The following TMEM132B variants were observed in gnomAD, a reference collection of about 807,000 sequenced individuals.
TMEM132B encodes transmembrane protein 132B.
A neutral mutation model predicts 90.8 loss-of-function variants in TMEM132B; 18 were observed. That is an observed-to-expected ratio of 0.20 (90% CI 0.14 to 0.29). TMEM132B has a LOEUF of 0.29. TMEM132B is among the 10% of genes least tolerant of loss of function. The pLI, the probability that TMEM132B is intolerant of heterozygous loss-of-function variation, is 1.00. For synonymous variants in TMEM132B, 504 were observed against 523.3 expected, an observed-to-expected ratio of 0.96 and a Z score of 0.50; for missense variants, 1,096 against 1,326.8, an observed-to-expected ratio of 0.83 and a Z score of 2.70.
chr12:125,258,085 C>T (rs187872387), intron 1 of TMEM132B, among the ~76,000 whole-genome samples: 24 of 152,274 alleles, frequency 1.6e-4, no homozygotes, highest in African/African-American at 5.8e-4. Context: ...TATATTTGTT[C>T]AGGAAATATT....
chr12:125,476,690 G>A (rs10437803), intron 3 of TMEM132B, among the ~76,000 whole-genome samples: 2,751 of 152,272 alleles, frequency 0.018, 85 homozygotes, highest in African/African-American at 0.063. Context: ...AAACCTAGGC[G>A]AAGAATTGCC....
chr12:125,554,156 G>C (rs1322219723), intron 4 of TMEM132B, among the ~76,000 whole-genome samples: 1 of 152,068 alleles, frequency 6.6e-6, no homozygotes, highest in Admixed American at 6.5e-5. Context: ...GGGCGCGGTG[G>C]CTCACGCCTG....
rs1471040134 is a variant in TMEM132B at position 125,406,087 on chromosome 12, G to A, written c.960-9444G>A. Among the ~76,000 whole-genome samples, 3 of 152,074 alleles carry A rather than the reference G, an allele frequency of 2.0e-5. No individual in the cohort carries two copies. Among genetic ancestry groups the A allele is most frequent in the African/African-American group, 7.2e-5 (3 of 41,410 alleles). On this transcript the variant is annotated intron_variant, in intron 2 of 8. Coordinates refer to ENST00000682704, the MANE Select transcript of TMEM132B (RefSeq NM_001366854.1). This position sits in a 1 kb window ranked among gnomAD's most constrained non-coding sequence, Gnocchi z 8.3. ...TGAAGAACTAAGTTCTTCCACTGTG[G>A]GCTGTTTGGTTAACTCAAACGTTAG... is the stretch of plus-strand genomic sequence containing the variant.
chr12:125,593,599 C>G (rs902162572), intron 5 of TMEM132B, among the ~76,000 whole-genome samples: 1 of 152,100 alleles, frequency 6.6e-6, no homozygotes, highest in African/African-American at 2.4e-5. Context: ...CAATATGGCT[C>G]TAGGGTCCTC....
intron 3 of TMEM132B, among the ~76,000 whole-genome samples, chr12:125,497,694 A>G (rs112996509): frequency 6.6e-6 from 1 of 152,306 alleles, no homozygotes; most frequent in East Asian, 1.9e-4. Context: ...TTACCTAAGC[A>G]TAAATTGAGC....
intron 3 of TMEM132B, among the ~76,000 whole-genome samples, chr12:125,517,646 T>A (rs1353678387): frequency 6.6e-6 from 1 of 152,198 alleles, no homozygotes; most frequent in Non-Finnish European, 1.5e-5. Context: ...GTGTCTCCTA[T>A]GATTTTGAGA....
Position 125,496,128 on chromosome 12 carries a change from C to T in TMEM132B, c.1107-23311C>T, listed in dbSNP as rs920866508. Among the ~76,000 whole-genome samples the T allele has an allele frequency of 4.6e-5, 7 of 152,226 alleles. No individual in the cohort carries two copies. The East Asian group carries it at 5.8e-4, about 13-fold the overall frequency. On this transcript the variant is annotated intron_variant, in intron 3 of 8. Transcript: ENST00000682704. Reference sequence around the variant, plus strand: ...ACAGTGGGATGCCAGCCACTTAACTCCAGTTTTTGAAACAGAAAAAACTGG... The same window carrying T: ...ACAGTGGGATGCCAGCCACTTAACTTCAGTTTTTGAAACAGAAAAAACTGG...
At chr12:125,440,279 A>G (rs1880831450) in intron 3 of TMEM132B, among the ~76,000 whole-genome samples, 1 of 152,174 alleles carries the variant, frequency 6.6e-6, no homozygotes, top group Admixed American at 6.5e-5. Context: ...TGTCAGAGAA[A>G]CACTCACACC....
intron 2 of TMEM132B, among the ~76,000 whole-genome samples, chr12:125,376,456 G>C (rs1878487491): frequency 6.6e-6 from 1 of 152,200 alleles, no homozygotes; most frequent in African/African-American, 2.4e-5. Flanking sequence ...GTTGACAGCA[G>C]GTGCCGCCTT....
At chr12:125,513,192 C>G (rs945508934) in intron 3 of TMEM132B, among the ~76,000 whole-genome samples, 4 of 151,972 alleles carry the variant, frequency 2.6e-5, no homozygotes, top group African/African-American at 9.7e-5. Flanking sequence ...GAGACCCGCT[C>G]AAACTGTGTT....
intron 1 of TMEM132B, chr12:125,326,561 T>TG (rs1371583896): frequency 2.7e-6 from 4 of 1,455,296 alleles, no homozygotes; most frequent in East Asian, 2.9e-5. Flanking sequence ...AATTAGGAAC[T>TG]GGGGGGTGTT....
At chr12:125,304,076 G>T (rs1593076674) in intron 1 of TMEM132B, among the ~76,000 whole-genome samples, 1 of 152,206 alleles carries the variant, frequency 6.6e-6, no homozygotes, top group African/African-American at 2.4e-5. Context: ...CTCAAATCAG[G>T]CATTAGTTAG....
intron 2 of TMEM132B, among the ~76,000 whole-genome samples, chr12:125,357,107 T>A (rs1877800034): frequency 6.6e-6 from 1 of 152,192 alleles, no homozygotes; most frequent in South Asian, 2.1e-4. Context: ...ATCCTAGGTA[T>A]TGTGAGGCAT....
intron 3 of TMEM132B, among the ~76,000 whole-genome samples, chr12:125,497,561 T>C (rs781078969): frequency 3.9e-5 from 6 of 152,258 alleles, no homozygotes; most frequent in Non-Finnish European, 7.3e-5. Context: ...CAGATACTTA[T>C]TGTTCCTTTT....
chr12:125,279,993 G>T (rs1483640388), intron 1 of TMEM132B, among the ~76,000 whole-genome samples: 1 of 152,196 alleles, frequency 6.6e-6, no homozygotes, highest in Non-Finnish European at 1.5e-5. Context: ...TTAGAGGTAG[G>T]TATTACTTTT....
chr12:125,583,801 C>T, intron 4 of TMEM132B, 50 bp from the exon 5 acceptor site: 1 of 1,606,722 alleles, frequency 6.2e-7, no homozygotes, highest in Non-Finnish European at 8.5e-7. Flanking sequence ...TCCTGCTCGC[C>T]CCTGTGGTAT....
chr12:125,622,609 T>G, intron 5 of TMEM132B: 3 of 985,500 alleles, frequency 3.0e-6, no homozygotes, highest in Non-Finnish European at 3.6e-6. Context: ...GGTCTCTCTC[T>G]GGAAATCTCC....
chr12:125,441,267 T>C (rs1880860486), intron 3 of TMEM132B, among the ~76,000 whole-genome samples: 1 of 152,174 alleles, frequency 6.6e-6, no homozygotes, highest in Non-Finnish European at 1.5e-5. Flanking sequence ...TGGGGGGAGA[T>C]AGACAAAGAG....
chr12:125,592,690 C>G (rs1038996620), intron 5 of TMEM132B, among the ~76,000 whole-genome samples: 1 of 152,098 alleles, frequency 6.6e-6, no homozygotes, highest in Non-Finnish European at 1.5e-5. Context: ...GCAGCACCTA[C>G]AAAACTCTAT....
Sources: gnomAD v4.1 joint callset for allele counts (sites outside exome capture counted in the v4.1 genomes callset) on GRCh38, gnomAD v4.1.1 for gene constraint, Gnocchi (gnomAD v3.1) non-coding constraint, MANE v1.5 for transcripts, NCBI Gene and HGNC (gene_info 2026-07-23, HGNC 2026-07-21) for gene names.